SLIT3: variants seen among roughly 807,000 people sequenced by gnomAD.
SLIT3 encodes the protein slit guidance ligand 3.
SLIT3 carries 68 observed loss-of-function variants against 184.0 expected under a neutral mutation model. The ratio of observed to expected loss-of-function variants is 0.37; its 90% CI spans 0.30 to 0.45. SLIT3 has a LOEUF of 0.45. SLIT3 is among the 20% of genes least tolerant of loss of function. SLIT3 has a pLI of 1.00. For synonymous variants in SLIT3, 831 were observed against 828.6 expected (o/e 1.00, Z -0.05); for missense variants, 1,707 against 2,026.0 (o/e 0.84, Z 3.02).
chr5:168,937,001 A>G (rs968072277), intron 4 of SLIT3, among the ~76,000 whole-genome samples: 6 of 152,154 alleles, frequency 3.9e-5, no homozygotes, highest in African/African-American at 1.4e-4. Context: ...AGTTTATCAC[A>G]CAAGGCAGTG....
rs540515829 is a variant in SLIT3, at chr5:169,250,129, T to C, written c.269+1259A>G. Among the ~76,000 whole-genome samples the C allele has an allele frequency of 5.9e-5, 9 of 152,364 alleles. No individual in the cohort carries two copies. In the East Asian group the frequency reaches 1.5e-3, roughly 26 times the overall value. On this transcript the variant is annotated intron_variant, in intron 2 of 35. Transcript: ENST00000519560. ...AATTCCAACTCCTTCAGTCACCTGC[T>C]ATGTAGAGTTGGGTCTACTTAACCT...
At chr5:168,825,917 C>G (rs1373154568) in intron 6 of SLIT3, among the ~76,000 whole-genome samples, 1 of 152,208 alleles carries the variant, frequency 6.6e-6, no homozygotes, top group East Asian at 1.9e-4. Flanking sequence ...CTGGGCTCCA[C>G]ACTTAGGGGA....
chr5:169,096,943 G>T (rs1046151882), intron 4 of SLIT3, among the ~76,000 whole-genome samples: 1 of 152,170 alleles, frequency 6.6e-6, no homozygotes, highest in Admixed American at 6.5e-5. Flanking sequence ...GGGAGAAGAG[G>T]TAGAGTGCAG....
At chr5:169,016,241 G>C (rs1018461086) in intron 4 of SLIT3, among the ~76,000 whole-genome samples, 1 of 152,242 alleles carries the variant, frequency 6.6e-6, no homozygotes, top group East Asian at 1.9e-4. Context: ...GCAAGCAAAG[G>C]TCTCCTGGTT....
intron 6 of SLIT3, among the ~76,000 whole-genome samples, chr5:168,831,576 T>C (rs1398221895): frequency 1.3e-5 from 2 of 152,222 alleles, no homozygotes; most frequent in African/African-American, 4.8e-5. Flanking sequence ...CGAGCTCTCA[T>C]TTGACACCTC....
At chr5:168,731,272 A>T (rs72839526) in intron 20 of SLIT3, among the ~76,000 whole-genome samples, 22,882 of 151,916 alleles carry the variant, frequency 0.15, 2,292 homozygotes, top group Non-Finnish European at 0.22. Context: ...CCTAATAAGT[A>T]GAGAGACTGA....
chr5:169,255,270 G>A (rs1765911916), intron 1 of SLIT3, among the ~76,000 whole-genome samples: 1 of 152,102 alleles, frequency 6.6e-6, no homozygotes, highest in South Asian at 2.1e-4. Flanking sequence ...ACAGCTTCAC[G>A]CATGTCCTTG....
chr5:168,929,482 G>A (rs1761923209), intron 4 of SLIT3, among the ~76,000 whole-genome samples: 1 of 152,176 alleles, frequency 6.6e-6, no homozygotes, highest in Non-Finnish European at 1.5e-5. Flanking sequence ...AGCAAAAGCT[G>A]TTCATAATTA....
intron 3 of SLIT3, among the ~76,000 whole-genome samples, chr5:169,230,840 CTTT>C (rs138201872): frequency 6.6e-6 from 1 of 151,550 alleles, no homozygotes; most frequent in African/African-American, 2.4e-5. Context: ...CAAAATAAAA[CTTT>C]TTTTTTAAAT....
intron 33 of SLIT3, 81 bp from the exon 34 acceptor site, chr5:168,671,564 A>C (rs374907957): frequency 6.9e-7 from 1 of 1,447,070 alleles, no homozygotes; most frequent in East Asian, 2.4e-5. Flanking sequence ...AGCACTTTTC[A>C]CACATTCATG....
intron 5 of SLIT3, among the ~76,000 whole-genome samples, chr5:168,860,838 A>G (rs1414279469): frequency 2.0e-5 from 3 of 152,292 alleles, no homozygotes; most frequent in East Asian, 1.9e-4. Context: ...TGAAACCCCA[A>G]TAAGGGCTTT....
chr5:169,198,934 A>AAAACAAAC (rs36159435), intron 3 of SLIT3, among the ~76,000 whole-genome samples: 2 of 149,010 alleles, frequency 1.3e-5, no homozygotes, highest in African/African-American at 2.5e-5. Flanking sequence ...TCCAACTCAA[A>AAAACAAAC]AAACAAACAA....
intron 4 of SLIT3, among the ~76,000 whole-genome samples, chr5:169,034,407 A>G (rs567230980): frequency 9.7e-4 from 148 of 152,170 alleles, no homozygotes; most frequent in Middle Eastern, 3.4e-3. Flanking sequence ...TCTTTTATCC[A>G]TTTTGAGTCT....
At chr5:168,954,613 G>C (rs1004706017) in intron 4 of SLIT3, among the ~76,000 whole-genome samples, 1 of 152,148 alleles carries the variant, frequency 6.6e-6, no homozygotes, top group South Asian at 2.1e-4. Context: ...CAAGTAACAC[G>C]TGAAGAAAGG....
chr5:168,844,304 A>G (rs1222508555), intron 6 of SLIT3, among the ~76,000 whole-genome samples: 1 of 152,172 alleles, frequency 6.6e-6, no homozygotes, highest in Non-Finnish European at 1.5e-5. Flanking sequence ...CTGCAGGAGC[A>G]CTGGGGGAAA....
intron 17 of SLIT3, among the ~76,000 whole-genome samples, chr5:168,753,356 A>G (rs149106224): frequency 0.011 from 1,740 of 152,388 alleles, 20 homozygotes; most frequent in Middle Eastern, 0.02. Context: ...ATACACACGC[A>G]TATTGTGTGG....
chr5:168,710,366 G>A (rs1762515854), intron 25 of SLIT3, among the ~76,000 whole-genome samples: 1 of 152,182 alleles, frequency 6.6e-6, no homozygotes, highest in African/African-American at 2.4e-5. Context: ...GTAGTTTGTT[G>A]TTATAATATG....
intron 4 of SLIT3, among the ~76,000 whole-genome samples, chr5:169,161,122 G>C (rs538246189): frequency 7.9e-5 from 12 of 152,242 alleles, no homozygotes; most frequent in African/African-American, 2.9e-4. Flanking sequence ...CTCACATCTA[G>C]GGATAACAGT....
At position 168,880,593 on chromosome 5, in the gene SLIT3, G is replaced by A. The variant is rs571849091; in HGVS notation, c.485+2672C>T. 9.8e-5 allele frequency among the ~76,000 whole-genome samples: 15 copies of A among 152,348 alleles called. 1 individual carries two copies. The South Asian group carries it at 2.3e-3, about 23-fold the overall frequency. Reference sequence around the variant, plus strand: ...TCTAAATACCTTTCATGCATCAAGCGTAGGACTAAGTTATTCATATGCATT... The same window carrying A: ...TCTAAATACCTTTCATGCATCAAGCATAGGACTAAGTTATTCATATGCATT... On this transcript the variant is annotated intron_variant, in intron 5 of 35. Transcript: ENST00000519560.
Sources: gnomAD v4.1 joint callset for allele counts (sites outside exome capture counted in the v4.1 genomes callset) on GRCh38, gnomAD v4.1.1 for gene constraint, MANE v1.5 for transcripts, NCBI Gene and HGNC (gene_info 2026-07-23, HGNC 2026-07-21) for gene names.